The following STK32B variants were observed in gnomAD, a reference collection of about 807,000 sequenced individuals.
STK32B encodes serine/threonine-protein kinase 32B.
In STK32B, 43 loss-of-function variants were observed where a neutral mutation model predicts 52.6. The ratio of observed to expected loss-of-function variants is 0.82; its 90% CI spans 0.64 to 1.05. The LOEUF (loss-of-function observed/expected upper bound fraction) is 1.05. Among genes scored for constraint, STK32B ranks in the 50% least tolerant of loss-of-function variants. The probability of loss-of-function intolerance (pLI) is 0.00; values close to 1 mark genes in which losing one functional copy is unlikely to be tolerated. For missense variants in STK32B, 621 were observed against 534.6 expected (o/e 1.16, Z -1.59); for synonymous variants, 238 against 204.3 (o/e 1.17, Z -1.41).
intron 1 of STK32B, among the ~76,000 whole-genome samples, chr4:5,117,910 G>T (rs918294458): frequency 4.6e-5 from 7 of 152,114 alleles, no homozygotes; most frequent in African/African-American, 1.7e-4. Flanking sequence ...AATCATATTT[G>T]ATCACAGTGA....
chr4:5,407,198 A>G (rs1015768834), intron 5 of STK32B, among the ~76,000 whole-genome samples: 5 of 152,066 alleles, frequency 3.3e-5, no homozygotes, highest in African/African-American at 9.7e-5. Flanking sequence ...CCAACACATA[A>G]AAAAAGTGAC....
intron 1 of STK32B, among the ~76,000 whole-genome samples, chr4:5,100,767 C>A (rs1367023769): frequency 2.1e-5 from 1 of 46,954 alleles, no homozygotes. Flanking sequence ...CCTCCTCCCT[C>A]CCTCCTTCCC....
chr4:5,379,347 G>A (rs1255561653), intron 4 of STK32B, among the ~76,000 whole-genome samples: 5 of 152,044 alleles, frequency 3.3e-5, no homozygotes, highest in Non-Finnish European at 7.4e-5. Flanking sequence ...TGTGCTGACT[G>A]CGTGCTCCCC....
At chr4:5,497,638 G>A (rs935981762) in intron 11 of STK32B, among the ~76,000 whole-genome samples, 3 of 152,186 alleles carry the variant, frequency 2.0e-5, no homozygotes, top group Non-Finnish European at 4.4e-5. Context: ...GTTGCTGCTG[G>A]TATTTCAGTG....
At chr4:5,076,932 A>G (rs1712114123) in intron 1 of STK32B, among the ~76,000 whole-genome samples, 2 of 152,150 alleles carry the variant, frequency 1.3e-5, no homozygotes, top group Admixed American at 6.5e-5. Flanking sequence ...TTGTTATGGA[A>G]AGTTTAGGTC....
At chr4:5,345,043 T>C (rs571844114) in intron 4 of STK32B, among the ~76,000 whole-genome samples, 1 of 150,560 alleles carries the variant, frequency 6.6e-6, no homozygotes, top group Non-Finnish European at 1.5e-5. Context: ...GATTAAATAA[T>C]ATAATTAAAA....
At chr4:5,057,998 C>T (rs1227071934) in intron 1 of STK32B, among the ~76,000 whole-genome samples, 1 of 152,152 alleles carries the variant, frequency 6.6e-6, no homozygotes, top group Non-Finnish European at 1.5e-5. Flanking sequence ...AGGTCATTCC[C>T]TTAGCTAGAG....
intron 6 of STK32B, among the ~76,000 whole-genome samples, chr4:5,439,297 A>G (rs1006248164): frequency 6.6e-5 from 10 of 151,466 alleles, no homozygotes; most frequent in African/African-American, 1.2e-4. Flanking sequence ...TTGCCATTCT[A>G]ACTGGTGTGA....
chr4:5,090,962 A>G (rs1192892858), intron 1 of STK32B, among the ~76,000 whole-genome samples: 1 of 152,252 alleles, frequency 6.6e-6, no homozygotes, highest in Non-Finnish European at 1.5e-5. Flanking sequence ...TAACAAGTAA[A>G]AAGATTTTGA....
intron 11 of STK32B, among the ~76,000 whole-genome samples, chr4:5,489,205 T>C (rs1719477262): frequency 6.6e-6 from 1 of 152,184 alleles, no homozygotes; most frequent in African/African-American, 2.4e-5. Context: ...CAATTTACGT[T>C]TATCTGCTTT....
chr4:5,269,281 C>T (rs1352294338), intron 3 of STK32B, among the ~76,000 whole-genome samples: 2 of 152,096 alleles, frequency 1.3e-5, no homozygotes, highest in Non-Finnish European at 2.9e-5. Context: ...GACCACAAAA[C>T]CTCAGAATTC....
At chr4:5,468,151 C>T (rs1277886527) in intron 11 of STK32B, 81 bp downstream of exon 11, 7 of 1,442,024 alleles carry the variant, frequency 4.9e-6, no homozygotes, top group South Asian at 2.3e-5. Flanking sequence ...ACAGTCCCTG[C>T]CCCCCAAACC....
intron 4 of STK32B, among the ~76,000 whole-genome samples, chr4:5,358,428 G>GATGGTT (rs1247128122): frequency 3.3e-5 from 5 of 152,334 alleles, no homozygotes; most frequent in Middle Eastern, 3.4e-3. Context: ...AGAACAGTAA[G>GATGGTT]ATGGTTAAAG....
intron 11 of STK32B, among the ~76,000 whole-genome samples, chr4:5,493,710 G>A (rs1408198870): frequency 6.6e-6 from 1 of 152,122 alleles, no homozygotes; most frequent in East Asian, 1.9e-4. Flanking sequence ...TCTCTTGTGG[G>A]CATTTAGTGC....
At chr4:5,151,635 GACTA>G (rs1717374101) in intron 2 of STK32B, among the ~76,000 whole-genome samples, 1 of 152,192 alleles carries the variant, frequency 6.6e-6, no homozygotes, top group South Asian at 2.1e-4. Flanking sequence ...ACCATTTTAT[GACTA>G]AATTCTGGGA....
intron 4 of STK32B, among the ~76,000 whole-genome samples, chr4:5,383,380 A>C (rs1736052420): frequency 6.6e-6 from 1 of 152,294 alleles, no homozygotes; most frequent in East Asian, 1.9e-4. Context: ...CTCCCAGAGG[A>C]ATCCGAGCTG....
At chr4:5,304,505 G>C (rs533386104) in intron 3 of STK32B, among the ~76,000 whole-genome samples, 1 of 151,410 alleles carries the variant, frequency 6.6e-6, no homozygotes, top group African/African-American at 2.4e-5. Flanking sequence ...GTTTATAACA[G>C]AGCTACTGAT....
chr4:5,295,032 C>T (rs1384765020), intron 3 of STK32B, among the ~76,000 whole-genome samples: 1 of 152,082 alleles, frequency 6.6e-6, no homozygotes, highest in African/African-American at 2.4e-5. Context: ...TTGAGATAGT[C>T]ATGTGGTTTT....
intron 3 of STK32B, among the ~76,000 whole-genome samples, chr4:5,267,250 G>A (rs1343919205): frequency 6.6e-6 from 1 of 152,164 alleles, no homozygotes; most frequent in African/African-American, 2.4e-5. Context: ...CATTATAGCT[G>A]AGTCAGGCTG....
Sources: gnomAD v4.1 joint callset for allele counts (sites outside exome capture counted in the v4.1 genomes callset) on GRCh38, gnomAD v4.1.1 for gene constraint, MANE v1.5 for transcripts, NCBI Gene and HGNC (gene_info 2026-07-23, HGNC 2026-07-21) for gene names.